The following NUCB1 variants were observed in gnomAD, a reference collection of about 807,000 sequenced individuals.
NUCB1 encodes nucleobindin 1, also known as nucleobindin-1.
In NUCB1, 47 loss-of-function variants were observed where a neutral mutation model predicts 61.2. That is an observed-to-expected ratio of 0.77 (90% CI 0.61 to 0.98). The LOEUF is 0.98. NUCB1 is among the 50% of genes least tolerant of loss of function. The pLI is 0.00. For missense variants in NUCB1, 583 were observed against 605.3 expected (o/e 0.96, Z 0.39); for synonymous variants, 234 against 243.1 (o/e 0.96, Z 0.35).
intron 6 of NUCB1, 95 bp from the exon 7 acceptor site, chr19:48,913,379 G>A (rs2037501654): frequency 2.4e-6 from 3 of 1,269,488 alleles, no homozygotes; most frequent in African/African-American, 3.0e-5. Flanking sequence ...GCTTGAGGGA[G>A]ATGATGTTTG....
At chr19:48,910,266 T>C (rs1337584797) in intron 4 of NUCB1, among the ~76,000 whole-genome samples, 1 of 151,644 alleles carries the variant, frequency 6.6e-6, no homozygotes, top group Non-Finnish European at 1.5e-5. Flanking sequence ...TTATTAGAGA[T>C]GGGGTTTCAC....
intron 4 of NUCB1, among the ~76,000 whole-genome samples, chr19:48,907,339 G>A (rs1488599685): frequency 3.1e-5 from 4 of 129,534 alleles, no homozygotes; most frequent in Non-Finnish European, 3.2e-5. Flanking sequence ...ACAGTGGCGC[G>A]ATCTCGGCTC....
chr19:48,905,196 G>A (rs942406752), intron 3 of NUCB1, among the ~76,000 whole-genome samples: 5 of 152,168 alleles, frequency 3.3e-5, no homozygotes, highest in African/African-American at 4.8e-5. Flanking sequence ...TTGTGGGAGG[G>A]CTGCGTCAAC....
chr19:48,909,964 AC>A (rs1387154905), intron 4 of NUCB1, among the ~76,000 whole-genome samples: 1 of 152,212 alleles, frequency 6.6e-6, no homozygotes, highest in East Asian at 1.9e-4. Flanking sequence ...ATTCTGAGGT[AC>A]TGGGGCTTAG....
chr19:48,903,694 G>A (rs1367312021), intron 2 of NUCB1, among the ~76,000 whole-genome samples: 1 of 98,276 alleles, frequency 1.0e-5, no homozygotes, highest in Non-Finnish European at 1.9e-5. Context: ...GGATGGGTGG[G>A]TGGATGGATG....
intron 5 of NUCB1, 83 bp from the exon 6 acceptor site, chr19:48,912,928 G>C: frequency 1.8e-6 from 2 of 1,110,894 alleles, no homozygotes; most frequent in Non-Finnish European, 2.5e-6. Context: ...GCCAGGTTCA[G>C]GGCCAAGGGC....
In NUCB1 at chr19:48,911,263, T is replaced by G. The variant is rs539922522; in HGVS notation, c.480+11T>G. The G allele has an allele frequency of 6.3e-7, 1 of 1,598,518 alleles. No homozygotes were observed. ...CTGCTGATCCAGACGGTAATGGGAG[T>G]GGGTCCGGAGGCAGAGGATTGAGGG... On this transcript the variant is annotated intron_variant, in intron 5 of 12. Transcript: ENST00000405315.
At chr19:48,911,293 T>C in intron 5 of NUCB1, 41 bp downstream of exon 5, 3 of 1,426,870 alleles carry the variant, frequency 2.1e-6, no homozygotes, top group Non-Finnish European at 3.0e-6. Context: ...TGAGGGTAGC[T>C]TTGCGGAAGG....
At chr19:48,902,945 A>G (rs2037368174) in intron 2 of NUCB1, among the ~76,000 whole-genome samples, 1 of 148,842 alleles carries the variant, frequency 6.7e-6, no homozygotes, top group Non-Finnish European at 1.5e-5. Flanking sequence ...ATGTATATAT[A>G]TATATATATG....
At chr19:48,913,618 C>A in intron 7 of NUCB1, 54 bp downstream of exon 7, 1 of 1,436,216 alleles carries the variant, frequency 7.0e-7, no homozygotes, top group Non-Finnish European at 9.8e-7. Context: ...TCTGACCCTT[C>A]TAGGACCTGA....
Position 48,922,530 on chromosome 19 carries a change from C to A in NUCB1, c.*106C>A. ...CCCTGGGGGCTGGTGTCATGTTGGGCTCCTGGGGCGGGGGCACGGCCTGGC... is the reference window on the plus strand; with the variant it reads ...CCCTGGGGGCTGGTGTCATGTTGGGATCCTGGGGCGGGGGCACGGCCTGGC... On this transcript the variant is annotated 3_prime_UTR_variant, in exon 13 of 13. Coordinates refer to ENST00000405315, the MANE Select transcript of NUCB1 (RefSeq NM_006184.6). 1.1e-6 allele frequency: 1 copy of A among 915,484 alleles called. No homozygotes were observed. The highest frequency in any genetic ancestry group is 1.7e-6 in the Non-Finnish European group (1 of 580,764). The allele number at this position is 915,484 out of a possible 1,614,324, so 56.7% of individuals were successfully genotyped here. A position where few individuals can be genotyped will look rare whatever the true frequency, so the allele number is the denominator to read the frequency against.
At chr19:48,917,490 AT>A (rs776058277) in intron 7 of NUCB1, among the ~76,000 whole-genome samples, 21 of 103,664 alleles carry the variant, frequency 2.0e-4, no homozygotes, top group Non-Finnish European at 5.0e-4. Flanking sequence ...TGCCCAGCCA[AT>A]TTTTAAATTT....
Position 48,913,192 on chromosome 19 carries a change from T to C in NUCB1, c.662T>C (p.Val221Ala). 6.2e-7 allele frequency: 1 copy of C among 1,611,060 alleles called. No individual in the cohort carries two copies. The change falls in exon 6 of 13, where the codon GTG becomes GCG. Residue 221 changes from valine (V) to alanine (A), a missense_variant. By Grantham distance (64) the Val-to-Ala change is moderately conservative (BLOSUM62 0). Transcript: ENST00000405315. The part of the protein sequence containing the change: ...RRHREHPKVN[V>A]PGSQAQLKEV... ...CACCGCGAGCACCCTAAAGTCAACG[T>C]GCCTGTGAGGACCCCATTTGTGCCC... is the stretch of plus-strand genomic sequence containing the variant.
chr19:48,912,101 T>G (rs1188912042), intron 5 of NUCB1, among the ~76,000 whole-genome samples: 1 of 150,794 alleles, frequency 6.6e-6, no homozygotes, highest in Non-Finnish European at 1.5e-5. Context: ...CACAGCTCAC[T>G]GCAGCCTCAA....
At chr19:48,917,566 G>A (rs1388580855) in intron 7 of NUCB1, among the ~76,000 whole-genome samples, 2 of 152,044 alleles carry the variant, frequency 1.3e-5, no homozygotes, top group Non-Finnish European at 2.9e-5. Flanking sequence ...GCATGATCTT[G>A]GCACACTGCA....
At chr19:48,900,463 G>T in intron 1 of NUCB1, 91 bp downstream of exon 1, 1 of 356,282 alleles carries the variant, frequency 2.8e-6, no homozygotes. Flanking sequence ...GATGCACTGG[G>T]TGCCAGTACT....
chr19:48,908,648 CGTGTGTGTGTGTGTGT>C (rs58211997), intron 4 of NUCB1, among the ~76,000 whole-genome samples: 138 of 86,544 alleles, frequency 1.6e-3, no homozygotes, highest in Admixed American at 2.6e-3. Flanking sequence ...TCTAGCTGCC[CGTGTGTGTGTGTGTGT>C]GTGTGTGTGT....
chr19:48,911,874 C>T (rs56076766), intron 5 of NUCB1, among the ~76,000 whole-genome samples: 18,742 of 151,962 alleles, frequency 0.12, 1,321 homozygotes, highest in Non-Finnish European at 0.15. Flanking sequence ...CTCCATTTTA[C>T]AGAGGTGGAA....
chr19:48,912,335 G>T (rs2037483406), intron 5 of NUCB1, among the ~76,000 whole-genome samples: 1 of 152,032 alleles, frequency 6.6e-6, no homozygotes, highest in Non-Finnish European at 1.5e-5. Context: ...CTGACCTTAT[G>T]TTCTTGGCCA....
Sources: gnomAD v4.1 joint callset for allele counts (sites outside exome capture counted in the v4.1 genomes callset) on GRCh38, gnomAD v4.1.1 for gene constraint, MANE v1.5 for transcripts, NCBI Gene and HGNC (gene_info 2026-07-23, HGNC 2026-07-21) for gene names.